PDS5A: variants seen among roughly 807,000 people sequenced by gnomAD.
The protein encoded by PDS5A is sister chromatid cohesion protein PDS5 homolog A.
In PDS5A, 42 loss-of-function variants were observed where a neutral mutation model predicts 167.1. The observed-to-expected ratio is 0.25, with a 90% CI of 0.20 to 0.33. The LOEUF (loss-of-function observed/expected upper bound fraction) is 0.33, where lower values mean the gene tolerates loss of function less well. Among genes scored for constraint, PDS5A ranks in the 10% least tolerant of loss-of-function variants. The probability of loss-of-function intolerance (pLI) is 1.00; values close to 1 mark genes in which losing one functional copy is unlikely to be tolerated. For missense variants in PDS5A, 1,033 were observed against 1,605.9 expected (o/e 0.64, Z 6.10); for synonymous variants, 553 against 554.6 (o/e 1.00, Z 0.04).
chr4:39,915,353 T>C (rs992451148), intron 8 of PDS5A, among the ~76,000 whole-genome samples: 1 of 147,834 alleles, frequency 6.8e-6, no homozygotes, highest in African/African-American at 2.5e-5. Flanking sequence ...ATTTTTTTTT[T>C]TTTTTTTTTT....
At chr4:39,953,310 T>G (rs1728590528) in intron 2 of PDS5A, among the ~76,000 whole-genome samples, 1 of 152,140 alleles carries the variant, frequency 6.6e-6, no homozygotes, top group African/African-American at 2.4e-5. Context: ...TGATCTCAAC[T>G]ATTGTGAGAA....
chr4:39,823,877 G>A lies in PDS5A; in HGVS notation c.*1608C>T, dbSNP rs1655552208. ...ACAGCCAACTCTTGATTATCTATGAGAAACGTAAGTGACATTTACTCTCAA... is the reference window on the plus strand; with the variant it reads ...ACAGCCAACTCTTGATTATCTATGAAAAACGTAAGTGACATTTACTCTCAA... On this transcript the variant is annotated 3_prime_UTR_variant, in exon 33 of 33. Transcript: ENST00000303538. 6.6e-6 allele frequency: 1 copy of A among 152,512 alleles called. No individual in the cohort carries two copies. Among genetic ancestry groups the A allele is most frequent in the South Asian group, 2.1e-4 (1 of 4,832 alleles). 9.4% of individuals were successfully genotyped at this position (152,512 alleles called of 1,614,324 possible). A position where few individuals can be genotyped will look rare whatever the true frequency, so the allele number is the denominator to read the frequency against.
intron 16 of PDS5A, chr4:39,897,969 A>G: frequency 1.2e-6 from 1 of 854,662 alleles, no homozygotes; most frequent in Non-Finnish European, 1.4e-6. Context: ...TGAAGACAAA[A>G]GTCTAGATAG....
intron 26 of PDS5A, among the ~76,000 whole-genome samples, chr4:39,861,542 T>C (rs1286117701): frequency 6.6e-6 from 1 of 152,198 alleles, no homozygotes; most frequent in African/African-American, 2.4e-5. Context: ...TTTGATACCA[T>C]GGTAGGGTGA....
At chr4:39,940,113 C>G (rs974638521) in intron 2 of PDS5A, among the ~76,000 whole-genome samples, 2 of 151,696 alleles carry the variant, frequency 1.3e-5, no homozygotes, top group African/African-American at 4.8e-5. Flanking sequence ...CAAAATTTAG[C>G]CGGGCGTGGT....
In PDS5A at chr4:39,976,454, T is replaced by C; in HGVS notation, c.124A>G (p.Ile42Val). 6.2e-7 allele frequency: 1 copy of C among 1,612,778 alleles called. No individual in the cohort carries two copies. Among genetic ancestry groups the C allele is most frequent in the Non-Finnish European group, 8.5e-7 (1 of 1,179,042 alleles). ...CAGACACTTACCTTCAGGCGTTTGA[T>C]CATCTCGTCCGTGGTGATCTTGTCG... is the stretch of plus-strand genomic sequence containing the variant. ...ITDKITTDEM[I>V]KRLKMVVKTF... Residue 42 changes from isoleucine (I) to valine (V), a missense_variant, in exon 2 of 33, where the codon ATC becomes GTC. Ile to Val is a conservative substitution (Grantham distance 29). Around this residue, in one of 4 missense-constraint regions of PDS5A, gnomAD observed 388 missense variants for 615.1 expected, o/e 0.63. Coordinates refer to ENST00000303538, the MANE Select transcript of PDS5A (RefSeq NM_001100399.2).
chr4:39,862,354 A>T, intron 25 of PDS5A, 21 bp from the exon 26 acceptor site: 1 of 1,157,684 alleles, frequency 8.6e-7, no homozygotes, highest in Non-Finnish European at 1.3e-6. Context: ...AACATTATTA[A>T]AAACAACCTT....
chr4:39,930,215 CAAAAAAAAAAAAAAAAAA>C (rs764983592), intron 2 of PDS5A, among the ~76,000 whole-genome samples: 7 of 35,092 alleles, frequency 2.0e-4, no homozygotes, highest in East Asian at 1.2e-3. Flanking sequence ...GACTCCATCT[CAAAAAAAAAAAAAAAAAA>C]AAAAAAAAAA....
At chr4:39,856,211 A>C (rs1282278971) in intron 26 of PDS5A, among the ~76,000 whole-genome samples, 1 of 152,126 alleles carries the variant, frequency 6.6e-6, no homozygotes, top group Non-Finnish European at 1.5e-5. Context: ...AAAAACAAAA[A>C]ACAAAAAAAC....
At chr4:39,892,219 G>T (rs149433748) in intron 16 of PDS5A, among the ~76,000 whole-genome samples, 1 of 152,170 alleles carries the variant, frequency 6.6e-6, no homozygotes, top group Non-Finnish European at 1.5e-5. Context: ...GTGACGGATC[G>T]TTTGAGGTCA....
At chr4:39,894,011 A>AT (rs1242680874) in intron 16 of PDS5A, among the ~76,000 whole-genome samples, 1 of 151,852 alleles carries the variant, frequency 6.6e-6, no homozygotes, top group African/African-American at 2.4e-5. Context: ...TCTAATTATA[A>AT]TAGTAGATTC....
intron 2 of PDS5A, among the ~76,000 whole-genome samples, chr4:39,964,950 T>C (rs28633100): frequency 6.6e-6 from 1 of 151,646 alleles, no homozygotes; most frequent in Admixed American, 6.6e-5. Flanking sequence ...CAAAAAATAA[T>C]AATAATAATA....
chr4:39,887,879 T>TAACAA (rs71645196), intron 17 of PDS5A, among the ~76,000 whole-genome samples: 18 of 150,616 alleles, frequency 1.2e-4, no homozygotes, highest in Admixed American at 3.3e-4. Context: ...AATAGCAAAA[T>TAACAA]AACAAAACAA....
chr4:39,967,858 C>T (rs1730131286), intron 2 of PDS5A, among the ~76,000 whole-genome samples: 1 of 151,168 alleles, frequency 6.6e-6, no homozygotes, highest in Admixed American at 6.6e-5. Context: ...ACTCAGGAGG[C>T]TGAGCTGAGA....
intron 7 of PDS5A, among the ~76,000 whole-genome samples, chr4:39,917,999 G>T (rs1724554401): frequency 6.6e-6 from 1 of 152,042 alleles, no homozygotes; most frequent in African/African-American, 2.4e-5. Context: ...GCAACACAGT[G>T]AGACCCTTGC....
rs1040160521 is a variant in PDS5A, at chr4:39,869,287, A to T, written c.2505+107T>A. 5 of 759,550 alleles carry T rather than the reference A, an allele frequency of 6.6e-6. No homozygotes were observed. The African/African-American group carries it at 8.7e-5, about 13-fold the overall frequency. 47.1% of individuals were successfully genotyped at this position (759,550 alleles called of 1,614,324 possible). A position where few individuals can be genotyped will look rare whatever the true frequency, so the allele number is the denominator to read the frequency against. ...GGAGTTCAAGACCAAACTGAGCAAC[A>T]CAGCAAGATCCCATCTCTGTTTATT... On this transcript the variant is annotated intron_variant, in intron 22 of 32. Coordinates refer to ENST00000303538, the MANE Select transcript of PDS5A (RefSeq NM_001100399.2).
chr4:39,922,798 G>C, intron 5 of PDS5A, 50 bp from the exon 6 acceptor site: 2 of 1,348,474 alleles, frequency 1.5e-6, no homozygotes, highest in South Asian at 2.2e-5. Flanking sequence ...GAAAAGAAGA[G>C]AATTCAAGCT....
intron 30 of PDS5A, 101 bp downstream of exon 30, chr4:39,844,555 C>A: frequency 1.3e-6 from 1 of 794,190 alleles, no homozygotes; most frequent in South Asian, 2.0e-5. Flanking sequence ...TACCAGAACA[C>A]CGCTAATGAC....
At chr4:39,962,521 G>C (rs1324120012) in intron 2 of PDS5A, among the ~76,000 whole-genome samples, 4 of 151,998 alleles carry the variant, frequency 2.6e-5, no homozygotes, top group Admixed American at 2.6e-4. Flanking sequence ...TTAAAAGTAG[G>C]CAGGTTGGGC....
Sources: gnomAD v4.1 joint callset for allele counts (sites outside exome capture counted in the v4.1 genomes callset) on GRCh38, gnomAD v4.1.1 for gene constraint, gnomAD v4.1.1 regional missense constraint, MANE v1.5 for transcripts, NCBI Gene and HGNC (gene_info 2026-07-23, HGNC 2026-07-21) for gene names.